The following LOC128092252 variants were observed in gnomAD, a reference collection of about 807,000 sequenced individuals.
the LOC128092252 span, among the ~76,000 whole-genome samples, chr15:50,681,723 T>G: frequency 6.6e-6 from 1 of 152,230 alleles, no homozygotes; most frequent in Non-Finnish European, 1.5e-5. Flanking sequence ...GGTTAAGGTT[T>G]CCAGAAGTCT....
At chr15:50,672,517 T>C in the LOC128092252 span, among the ~76,000 whole-genome samples, 1 of 152,128 alleles carries the variant, frequency 6.6e-6, no homozygotes, top group Admixed American at 6.6e-5. Context: ...ACAATTCTAC[T>C]GATGATCCTG....
At chr15:50,670,843 G>A in the LOC128092252 span, among the ~76,000 whole-genome samples, 6 of 150,238 alleles carry the variant, frequency 4.0e-5, no homozygotes, top group Non-Finnish European at 8.9e-5. Flanking sequence ...AATAATAAGA[G>A]GATACTATCA....
chr15:50,662,149 T>C, the LOC128092252 span, among the ~76,000 whole-genome samples: 4 of 152,038 alleles, frequency 2.6e-5, no homozygotes, highest in Non-Finnish European at 4.4e-5. Flanking sequence ...GGTCAGGAGA[T>C]TGAACCATCC....
At chr15:50,667,115 G>A in the LOC128092252 span, among the ~76,000 whole-genome samples, 3 of 152,088 alleles carry the variant, frequency 2.0e-5, no homozygotes, top group African/African-American at 4.8e-5. Context: ...ATAGACTGCA[G>A]CATTGATTGG....
the LOC128092252 span, among the ~76,000 whole-genome samples, chr15:50,676,322 A>T: frequency 1.3e-5 from 2 of 152,246 alleles, no homozygotes; most frequent in Non-Finnish European, 2.9e-5. Context: ...TAACAAATAC[A>T]TTCTATGATT....
chr15:50,657,975 C>G, the LOC128092252 span, among the ~76,000 whole-genome samples: 1 of 150,312 alleles, frequency 6.7e-6, no homozygotes, highest in African/African-American at 2.4e-5. Flanking sequence ...ATTTATAATT[C>G]AAATAACTAT....
chr15:50,659,940 C>T, the LOC128092252 span, among the ~76,000 whole-genome samples: 1 of 152,180 alleles, frequency 6.6e-6, no homozygotes, highest in East Asian at 1.9e-4. Flanking sequence ...GCTGGGATTA[C>T]AGGCGTGAGC....
At chr15:50,667,250 C>T in the LOC128092252 span, among the ~76,000 whole-genome samples, 19 of 152,258 alleles carry the variant, frequency 1.2e-4, no homozygotes, top group African/African-American at 3.6e-4. Context: ...AGAAACTGAA[C>T]GCTTTCCTCG....
At chr15:50,686,571 C>T in the LOC128092252 span, 1 of 1,608,814 alleles carries the variant, frequency 6.2e-7, no homozygotes, top group South Asian at 1.1e-5. Context: ...GCAGCAACTC[C>T]ACCTCCTCCT....
the LOC128092252 span, among the ~76,000 whole-genome samples, chr15:50,673,510 A>G: frequency 6.6e-6 from 1 of 152,026 alleles, no homozygotes. Flanking sequence ...TATGAGTGGG[A>G]ACATATGATG....
At chr15:50,671,385 T>C in the LOC128092252 span, among the ~76,000 whole-genome samples, 1 of 152,190 alleles carries the variant, frequency 6.6e-6, no homozygotes, top group Non-Finnish European at 1.5e-5. Context: ...AAAAACAGAA[T>C]TTCCTTCTTT....
chr15:50,664,636 A>C, the LOC128092252 span, among the ~76,000 whole-genome samples: 1 of 152,226 alleles, frequency 6.6e-6, no homozygotes, highest in Non-Finnish European at 1.5e-5. Context: ...GAAGATTAAC[A>C]CATTTCCCTC....
the LOC128092252 span, among the ~76,000 whole-genome samples, chr15:50,654,342 G>A: frequency 6.6e-6 from 1 of 151,342 alleles, no homozygotes; most frequent in East Asian, 1.9e-4. Flanking sequence ...AGCTACTCGG[G>A]AGGCTAAGGC....
At chr15:50,662,679 C>T in the LOC128092252 span, among the ~76,000 whole-genome samples, 2 of 152,126 alleles carry the variant, frequency 1.3e-5, no homozygotes, top group Admixed American at 6.6e-5. Context: ...GTCTTAACTG[C>T]CTTACCTTTG....
At chr15:50,678,101 C>T in the LOC128092252 span, among the ~76,000 whole-genome samples, 5 of 150,942 alleles carry the variant, frequency 3.3e-5, no homozygotes, top group East Asian at 2.0e-4. Context: ...ATCAGCCGGG[C>T]GTGGTGGTGG....
At chr15:50,659,150 G>A in the LOC128092252 span, among the ~76,000 whole-genome samples, 2 of 149,004 alleles carry the variant, frequency 1.3e-5, no homozygotes, top group Admixed American at 6.7e-5. Context: ...GTGAGACTAC[G>A]CCACTGCACA....
the LOC128092252 span, among the ~76,000 whole-genome samples, chr15:50,685,312 A>G: frequency 2.6e-5 from 4 of 152,116 alleles, no homozygotes; most frequent in African/African-American, 4.8e-5. Context: ...AAAAATGCAA[A>G]AATTAGCCGG....
chr15:50,666,445 G>A, the LOC128092252 span, among the ~76,000 whole-genome samples: 6 of 151,482 alleles, frequency 4.0e-5, no homozygotes, highest in Non-Finnish European at 7.4e-5. Context: ...GGGAGAAGAA[G>A]GTAGAAGGGA....
chr15:50,667,491 A>G, the LOC128092252 span, among the ~76,000 whole-genome samples: 1 of 152,230 alleles, frequency 6.6e-6, no homozygotes, highest in Non-Finnish European at 1.5e-5. Flanking sequence ...GGATCACTTG[A>G]GGCCAGGAGT....
Sources: allele counts gnomAD v4.1 joint callset (sites outside exome capture counted in the v4.1 genomes callset), GRCh38; gene constraint gnomAD v4.1.1; transcripts MANE v1.5.